MAP3K5: variants seen among roughly 807,000 people sequenced by gnomAD.
MAP3K5 encodes the protein ASK-1.
In MAP3K5, 56 loss-of-function variants were observed where a neutral mutation model predicts 158.7. The observed-to-expected ratio is 0.35, with a 90% CI of 0.28 to 0.44. The LOEUF is 0.44. Ranked by LOEUF, MAP3K5 falls within the 20% of genes least tolerant of loss-of-function variation. MAP3K5 has a pLI of 1.00. For missense variants in MAP3K5, 1,294 were observed against 1,674.8 expected, an observed-to-expected ratio of 0.77 and a Z score of 3.97; for synonymous variants, 579 against 601.7, an observed-to-expected ratio of 0.96 and a Z score of 0.55.
intron 25 of MAP3K5, among the ~76,000 whole-genome samples, 153 bp from the exon 26 acceptor site, chr6:136,568,027 G>T (rs2129070138): frequency 6.6e-6 from 1 of 152,244 alleles, no homozygotes; most frequent in South Asian, 2.1e-4. Flanking sequence ...TGTAGACTCA[G>T]ATTTGTTCTT....
chr6:136,650,935 T>C, intron 11 of MAP3K5, 49 bp downstream of exon 11: 1 of 1,186,640 alleles, frequency 8.4e-7, no homozygotes, highest in Non-Finnish European at 1.2e-6. Flanking sequence ...TAGAAGGGTG[T>C]AAAGTCCCTT....
intron 25 of MAP3K5, among the ~76,000 whole-genome samples, chr6:136,576,604 A>G (rs566521510): frequency 6.6e-6 from 1 of 152,128 alleles, no homozygotes; most frequent in Non-Finnish European, 1.5e-5. Context: ...ACCATGCCCA[A>G]CTACAATCTT....
At chr6:136,587,010 A>G (rs9402828) in intron 23 of MAP3K5, among the ~76,000 whole-genome samples, 16,315 of 151,686 alleles carry the variant, frequency 0.11, 1,042 homozygotes, top group East Asian at 0.18. Flanking sequence ...TACTTAATAA[A>G]CTCCCCTTTA....
intron 19 of MAP3K5, 57 bp downstream of exon 19, chr6:136,605,152 C>T (rs1776049559): frequency 6.5e-7 from 1 of 1,548,434 alleles, no homozygotes; most frequent in Non-Finnish European, 8.8e-7. Context: ...ACACACAGAA[C>T]ATCCAACAGC....
At chr6:136,672,580 C>T (rs1216012549) in intron 7 of MAP3K5, among the ~76,000 whole-genome samples, 1 of 152,158 alleles carries the variant, frequency 6.6e-6, no homozygotes, top group Non-Finnish European at 1.5e-5. Context: ...CTGAGTTGTA[C>T]AGGAGGCTAG....
intron 1 of MAP3K5, among the ~76,000 whole-genome samples, chr6:136,775,582 T>A (rs1784373489): frequency 6.6e-6 from 1 of 152,192 alleles, no homozygotes; most frequent in South Asian, 2.1e-4. Flanking sequence ...CTAACTCCCC[T>A]GATAATAAAC....
chr6:136,773,119 C>A (rs1178625289), intron 1 of MAP3K5, among the ~76,000 whole-genome samples: 1 of 152,156 alleles, frequency 6.6e-6, no homozygotes, highest in East Asian at 1.9e-4. Context: ...AGAAGTTATT[C>A]TCATAAGAAA....
chr6:136,576,806 T>C (rs558963462), intron 25 of MAP3K5, among the ~76,000 whole-genome samples: 3 of 152,150 alleles, frequency 2.0e-5, no homozygotes, highest in Non-Finnish European at 4.4e-5. Context: ...ATTACAGTGG[T>C]CCCATAAGAT....
At chr6:136,614,635 A>C (rs908958927) in intron 15 of MAP3K5, among the ~76,000 whole-genome samples, 2 of 152,268 alleles carry the variant, frequency 1.3e-5, no homozygotes, top group Non-Finnish European at 2.9e-5. Flanking sequence ...ATTCAAACCC[A>C]GGAGAACGGA....
chr6:136,654,294 C>CA (rs1778648235), intron 10 of MAP3K5, among the ~76,000 whole-genome samples: 1 of 152,196 alleles, frequency 6.6e-6, no homozygotes, highest in Admixed American at 6.5e-5. Context: ...CTTGTCTCCA[C>CA]AATGGTGTCA....
chr6:136,590,414 A>G (rs767830082), intron 23 of MAP3K5, among the ~76,000 whole-genome samples: 1 of 152,210 alleles, frequency 6.6e-6, no homozygotes, highest in Admixed American at 6.5e-5. Context: ...AAACTATTAC[A>G]TACAGCAGAT....
intron 29 of MAP3K5, among the ~76,000 whole-genome samples, chr6:136,558,483 T>C (rs1490199376): frequency 6.6e-6 from 1 of 152,220 alleles, no homozygotes; most frequent in African/African-American, 2.4e-5. Context: ...CAAATATTTA[T>C]TGAGTATAAC....
At chr6:136,645,095 A>AT (rs1454320354) in intron 11 of MAP3K5, among the ~76,000 whole-genome samples, 1 of 151,904 alleles carries the variant, frequency 6.6e-6, no homozygotes, top group Non-Finnish European at 1.5e-5. Context: ...AACCTGGTTA[A>AT]TTTTTTTAAA....
intron 18 of MAP3K5, among the ~76,000 whole-genome samples, chr6:136,610,028 T>C (rs1776262834): frequency 6.6e-6 from 1 of 152,078 alleles, no homozygotes; most frequent in South Asian, 2.1e-4. Context: ...AATTTCCTCA[T>C]CTACAAAATG....
chr6:136,618,861 G>C (rs1776682278), intron 15 of MAP3K5, among the ~76,000 whole-genome samples: 1 of 152,210 alleles, frequency 6.6e-6, no homozygotes, highest in Admixed American at 6.5e-5. Flanking sequence ...CATGCGGCAG[G>C]CAGCAACAGC....
chr6:136,711,717 A>G (rs1167268700), intron 2 of MAP3K5, among the ~76,000 whole-genome samples: 1 of 152,098 alleles, frequency 6.6e-6, no homozygotes, highest in East Asian at 1.9e-4. Context: ...AATACCTTCT[A>G]TCTCTCCAAT....
At chr6:136,571,631 A>G (rs1354886028) in intron 25 of MAP3K5, among the ~76,000 whole-genome samples, 1 of 152,094 alleles carries the variant, frequency 6.6e-6, no homozygotes, top group African/African-American at 2.4e-5. Context: ...TATACACCAC[A>G]TTTTGTTTAT....
At chr6:136,604,115 A>T (rs1474057603) in intron 19 of MAP3K5, among the ~76,000 whole-genome samples, 3 of 152,190 alleles carry the variant, frequency 2.0e-5, no homozygotes, top group Non-Finnish European at 4.4e-5. Context: ...TGAGCTCAGG[A>T]GTTTGAGACC....
intron 14 of MAP3K5, among the ~76,000 whole-genome samples, chr6:136,625,225 A>T (rs191564258): frequency 4.6e-5 from 7 of 152,272 alleles, no homozygotes; most frequent in Admixed American, 3.9e-4. Flanking sequence ...CAATTCTGCC[A>T]TTGTGATGTG....
Sources: allele counts gnomAD v4.1 joint callset (sites outside exome capture counted in the v4.1 genomes callset), GRCh38; gene constraint gnomAD v4.1.1; transcripts MANE v1.5; gene names NCBI Gene and HGNC (gene_info 2026-07-23, HGNC 2026-07-21).